Variants in GCH1 observed in about 807,000 individuals in gnomAD.
The protein encoded by GCH1 is GTP cyclohydrolase I.
Under a neutral mutation model 25.9 loss-of-function variants are expected in GCH1, and 5 were observed. That is an observed-to-expected ratio of 0.19 (90% CI 0.10 to 0.41). The LOEUF (loss-of-function observed/expected upper bound fraction) is 0.41. GCH1 is among the 10% of genes least tolerant of loss of function. GCH1 has a pLI of 1.00. For missense variants in GCH1, 261 were observed against 336.5 expected (o/e 0.78, Z 1.75); for synonymous variants, 159 against 129.6 (o/e 1.23, Z -1.54).
At chr14:54,862,313 G>A (rs1302038319) in intron 2 of GCH1, among the ~76,000 whole-genome samples, 1 of 151,372 alleles carries the variant, frequency 6.6e-6, no homozygotes, top group East Asian at 1.9e-4. Context: ...TTACAGGCAT[G>A]AGCCACCTCA....
Position 54,902,555 on chromosome 14 carries a change from C to T in GCH1, c.109G>A (p.Glu37Lys). The change falls in exon 1 of 6, where the codon GAG (glutamate) becomes AAG (lysine). Residue 37 changes from glutamate to lysine, a missense_variant. This residue lies in a region of GCH1 where 125 missense variants were observed against 128.7 expected (regional missense o/e 0.97). Transcript: ENST00000491895. ...PPRPGPSRPA[E>K]KPPRPEAKSA... Reference sequence around the variant, plus strand: ...TTGGCCTCGGGCCGCGGGGGCTTCTCCGCCGGCCTGCTGGGCCCGGGCCGC... The same window carrying T: ...TTGGCCTCGGGCCGCGGGGGCTTCTTCGCCGGCCTGCTGGGCCCGGGCCGC... 1.3e-6 allele frequency: 2 copies of T among 1,527,398 alleles called. No individual in the cohort carries two copies. Among genetic ancestry groups the T allele is most frequent in the Admixed American group, 2.1e-5 (1 of 48,252 alleles). The allele number at this position is 1,527,398 out of a possible 1,614,324, so 94.6% of individuals were successfully genotyped here.
intron 1 of GCH1, among the ~76,000 whole-genome samples, chr14:54,889,635 T>C (rs527559967): frequency 2.0e-5 from 3 of 152,226 alleles, no homozygotes; most frequent in African/African-American, 2.4e-5. Context: ...TAAGCAACAG[T>C]TGTTGATAAG....
At chr14:54,885,339 C>T in intron 1 of GCH1, 1 of 254,762 alleles carries the variant, frequency 3.9e-6, no homozygotes, top group Non-Finnish European at 8.1e-6. Context: ...AGTCAAGATC[C>T]ACATTGCTCT....
chr14:54,892,682 C>T (rs2040438410), intron 1 of GCH1, among the ~76,000 whole-genome samples: 1 of 151,980 alleles, frequency 6.6e-6, no homozygotes, highest in Non-Finnish European at 1.5e-5. Flanking sequence ...GAGCAAGACT[C>T]TATCTCAAAA....
intron 3 of GCH1, among the ~76,000 whole-genome samples, chr14:54,852,283 T>C (rs1185759251): frequency 6.6e-6 from 1 of 152,184 alleles, no homozygotes; most frequent in African/African-American, 2.4e-5. Flanking sequence ...ACTTCTAATA[T>C]TAAACACTAA....
chr14:54,885,008 G>A (rs2040330814), intron 1 of GCH1: 2 of 224,530 alleles, frequency 8.9e-6, no homozygotes, highest in South Asian at 1.3e-4. Context: ...CCTCCTCCCT[G>A]TAATTCTTCT....
At position 54,847,450 on chromosome 14, in the gene GCH1, C is replaced by T. The variant is rs376454930; in HGVS notation, c.510-320G>A. On this transcript the variant is annotated intron_variant, in intron 3 of 5. Transcript: ENST00000491895. ...TGGGCACAATCTCATCAGCTGCCAG[C>T]GAATACAAAGCAGGCAGAAATATAT... Among the ~76,000 whole-genome samples, 10 of 152,242 alleles carry T rather than the reference C, an allele frequency of 6.6e-5. No individual in the cohort carries two copies. In the South Asian group the frequency reaches 1.0e-3, roughly 16 times the overall value.
At chr14:54,849,388 G>A (rs1418582776) in intron 3 of GCH1, among the ~76,000 whole-genome samples, 1 of 152,054 alleles carries the variant, frequency 6.6e-6, no homozygotes, top group Non-Finnish European at 1.5e-5. Context: ...ATAATTTGTT[G>A]AGAGGTATTT....
rs540603584 is a variant in GCH1, at chr14:54,871,134, C to T, written c.344-5698G>A. 2.0e-5 allele frequency among the ~76,000 whole-genome samples: 3 copies of T among 152,326 alleles called. No homozygotes were observed. In the South Asian group the frequency reaches 6.2e-4, roughly 32 times the overall value. Reference sequence around the variant, plus strand: ...GACTGACACCTCACACAGCCGGGTACTCCTCTGAGACAAAACTTCCAGAGG... The same window carrying T: ...GACTGACACCTCACACAGCCGGGTATTCCTCTGAGACAAAACTTCCAGAGG... On this transcript the variant is annotated intron_variant, in intron 1 of 5. Transcript: ENST00000491895.
intron 3 of GCH1, among the ~76,000 whole-genome samples, chr14:54,859,022 C>T (rs575949166): frequency 3.3e-5 from 5 of 152,314 alleles, no homozygotes; most frequent in South Asian, 2.1e-4. Context: ...GAGCGAGGAG[C>T]GTGAACACTG....
At position 54,861,636 on chromosome 14, in the gene GCH1, T is replaced by C. The variant is rs147076078; in HGVS notation, c.454-1900A>G. Among the ~76,000 whole-genome samples the C allele has an allele frequency of 1.5e-3, 225 of 151,798 alleles. 1 individual carries two copies. The highest frequency in any genetic ancestry group is 2.1e-3 in the Non-Finnish European group (142 of 67,970). On this transcript the variant is annotated intron_variant, in intron 2 of 5. Transcript: ENST00000491895. ...TATTCGAGAGGCTGAAGCAGAAGAA[T>C]TGCTTGAACCTGGGAGGCGGAGGTT...
chr14:54,893,388 A>G (rs2040447565), intron 1 of GCH1, among the ~76,000 whole-genome samples: 1 of 152,156 alleles, frequency 6.6e-6, no homozygotes, highest in Non-Finnish European at 1.5e-5. Context: ...ACCAAATACT[A>G]GACTCAAATT....
intron 2 of GCH1, 115 bp downstream of exon 2, chr14:54,865,212 T>C: frequency 3.1e-6 from 2 of 647,314 alleles, no homozygotes; most frequent in Non-Finnish European, 5.5e-6. Flanking sequence ...ATATGTATAA[T>C]TGTAAATACC....
In GCH1 at chr14:54,902,719, C is replaced by A. The variant is rs866010535; in HGVS notation, c.-56G>T. On this transcript the variant is annotated 5_prime_UTR_variant, in exon 1 of 6. Coordinates refer to ENST00000491895, the MANE Select transcript of GCH1 (RefSeq NM_000161.3). ...GGACCCCGGGGCGCTTCGAGGTCTG[C>A]GGCTAAACTCCGCCGGTGGCCGCGG... The A allele has an allele frequency of 2.2e-6, 3 of 1,394,308 alleles. No homozygotes were observed. The African/African-American group carries it at 4.5e-5, about 21-fold the overall frequency. The allele number at this position is 1,394,308 out of a possible 1,614,324, so 86.4% of individuals were successfully genotyped here.
At chr14:54,902,285 C>T (rs2040578350) in intron 1 of GCH1, 36 bp downstream of exon 1, 6 of 1,604,602 alleles carry the variant, frequency 3.7e-6, no homozygotes, top group Non-Finnish European at 4.3e-6. Context: ...CCGCCCCCGC[C>T]GCCCGCACGC....
At chr14:54,879,244 A>T (rs2040206588) in intron 1 of GCH1, among the ~76,000 whole-genome samples, 1 of 151,932 alleles carries the variant, frequency 6.6e-6, no homozygotes, top group South Asian at 2.1e-4. Context: ...AACATAGTGA[A>T]AACCCATCTC....
chr14:54,882,754 C>T (rs1243224939), intron 1 of GCH1, among the ~76,000 whole-genome samples: 1 of 152,162 alleles, frequency 6.6e-6, no homozygotes, highest in East Asian at 1.9e-4. Context: ...CCTACATTCA[C>T]TTATACCACG....
At chr14:54,852,269 A>G (rs1208504565) in intron 3 of GCH1, among the ~76,000 whole-genome samples, 1 of 152,214 alleles carries the variant, frequency 6.6e-6, no homozygotes, top group Admixed American at 6.5e-5. Context: ...ATAAACACAA[A>G]AACACTTCTA....
At chr14:54,848,122 T>C (rs1283016055) in intron 3 of GCH1, among the ~76,000 whole-genome samples, 3 of 150,590 alleles carry the variant, frequency 2.0e-5, no homozygotes, top group Non-Finnish European at 4.4e-5. Context: ...ATCTGTCAAG[T>C]GATAAATTTT....
Sources: gnomAD v4.1 joint callset for allele counts (sites outside exome capture counted in the v4.1 genomes callset) on GRCh38, gnomAD v4.1.1 for gene constraint, gnomAD v4.1.1 regional missense constraint, MANE v1.5 for transcripts, NCBI Gene and HGNC (gene_info 2026-07-23, HGNC 2026-07-21) for gene names.